The following DGKG variants were observed in gnomAD, a reference collection of about 807,000 sequenced individuals.
DGKG encodes diacylglycerol kinase gamma.
DGKG carries 78 observed loss-of-function variants against 105.3 expected under a neutral mutation model. The observed-to-expected ratio is 0.74, with a 90% CI of 0.62 to 0.89. The LOEUF (loss-of-function observed/expected upper bound fraction) is 0.89. Ranked by LOEUF, DGKG falls within the 40% of genes least tolerant of loss-of-function variation. DGKG has a pLI of 0.00. For missense variants in DGKG, 958 were observed against 1,020.1 expected (o/e 0.94, Z 0.83); for synonymous variants, 346 against 367.1 (o/e 0.94, Z 0.66).
intron 20 of DGKG, among the ~76,000 whole-genome samples, chr3:186,217,522 CT>C (rs1389902371): frequency 2.0e-5 from 3 of 152,206 alleles, no homozygotes; most frequent in Non-Finnish European, 4.4e-5. Context: ...TAATTGCCCC[CT>C]GGCTTATAAG....
In DGKG at chr3:186,273,367, C is replaced by CCTTT. The variant is rs1553811123; in HGVS notation, c.911-1025_911-1024insAAAG. On this transcript the variant is annotated intron_variant, in intron 10 of 24. Coordinates refer to ENST00000265022, the MANE Select transcript of DGKG (RefSeq NM_001346.3). The stretch of plus-strand genomic sequence containing the variant: ...TGGCGCTGGGGAGACTGTTGTACCC[C>CCTTT]TTTTTTTTTTTTTTTTTTTTTTTTT... Among the ~76,000 whole-genome samples the CCTTT allele has an allele frequency of 4.6e-4, 39 of 85,612 alleles. 7 individuals carry two copies. The highest frequency in any genetic ancestry group is 6.4e-3 in the Middle Eastern group (1 of 156). 56.2% of individuals were successfully genotyped at this position (85,612 alleles called of 152,430 possible).
At chr3:186,235,480 A>G (rs977574517) in intron 20 of DGKG, among the ~76,000 whole-genome samples, 4 of 152,306 alleles carry the variant, frequency 2.6e-5, no homozygotes, top group Admixed American at 1.3e-4. Context: ...TAACTTTGCT[A>G]TATTTGCTGC....
At chr3:186,298,359 T>G (rs1723700273) in intron 3 of DGKG, 130 bp from the exon 4 acceptor site, 1 of 827,630 alleles carries the variant, frequency 1.2e-6, no homozygotes, top group South Asian at 1.9e-5. Context: ...ATGGAGGAGC[T>G]GATGGGGACA....
At chr3:186,320,153 T>G (rs548902552) in intron 2 of DGKG, among the ~76,000 whole-genome samples, 117 of 152,332 alleles carry the variant, frequency 7.7e-4, no homozygotes, top group African/African-American at 2.8e-3. Context: ...ATTTTTAACC[T>G]ACTCTTTTTT....
intron 24 of DGKG, 109 bp from the exon 25 acceptor site, chr3:186,150,297 A>C (rs769138561): frequency 6.5e-5 from 89 of 1,369,468 alleles, no homozygotes; most frequent in Admixed American, 1.3e-4. Context: ...AAGGAGCCCC[A>C]TGCAGAAGGA....
At position 186,149,845 on chromosome 3, in the gene DGKG, G is replaced by T; in HGVS notation, c.*245C>A. On this transcript the variant is annotated 3_prime_UTR_variant, in exon 25 of 25. Transcript: ENST00000265022. The stretch of plus-strand genomic sequence containing the variant: ...CTGCCTAAGCCAGCCACAACCTCAT[G>T]GGCCCTAAGTCCATTCAAAATGTTT... 1 of 1,212,766 alleles carries T rather than the reference G, an allele frequency of 8.2e-7. No homozygotes were observed. Among genetic ancestry groups the T allele is most frequent in the Non-Finnish European group, 1.0e-6 (1 of 972,614 alleles). 75.1% of individuals were successfully genotyped at this position (1,212,766 alleles called of 1,614,324 possible).
intron 22 of DGKG, among the ~76,000 whole-genome samples, chr3:186,186,284 T>C (rs947973115): frequency 1.3e-5 from 2 of 152,116 alleles, no homozygotes; most frequent in African/African-American, 2.4e-5. Context: ...TTTGTTTTCT[T>C]CTAGTGGTGG....
chr3:186,208,586 T>C (rs888905781), intron 21 of DGKG, among the ~76,000 whole-genome samples: 4 of 152,238 alleles, frequency 2.6e-5, no homozygotes, highest in Non-Finnish European at 5.9e-5. Context: ...GCCTGTTCTG[T>C]GCATCAAAAT....
chr3:186,265,877 G>A (rs1220090149), intron 13 of DGKG, among the ~76,000 whole-genome samples: 1 of 151,770 alleles, frequency 6.6e-6, no homozygotes. Flanking sequence ...TCACCATGTT[G>A]GCCAGGATGG....
At chr3:186,350,114 TCCTGA>T (rs1465454230) in intron 1 of DGKG, among the ~76,000 whole-genome samples, 1 of 152,146 alleles carries the variant, frequency 6.6e-6, no homozygotes, top group Non-Finnish European at 1.5e-5. Flanking sequence ...GGTCTCGAAC[TCCTGA>T]CCTCTGGTGA....
intron 20 of DGKG, among the ~76,000 whole-genome samples, chr3:186,230,244 C>T (rs754889994): frequency 6.6e-5 from 10 of 152,060 alleles, no homozygotes; most frequent in East Asian, 3.9e-4. Context: ...GGCAACAGAG[C>T]GAGACTCCGT....
intron 24 of DGKG, chr3:186,158,045 T>A: frequency 3.1e-6 from 1 of 317,696 alleles, no homozygotes; most frequent in Non-Finnish European, 4.5e-6. Context: ...GTTATATTTA[T>A]ATTTTTATAT....
At chr3:186,181,065 A>G (rs1403672346) in intron 22 of DGKG, among the ~76,000 whole-genome samples, 1 of 152,228 alleles carries the variant, frequency 6.6e-6, no homozygotes, top group Non-Finnish European at 1.5e-5. Context: ...GGGCATGCCT[A>G]TGAGCTACAC....
intron 23 of DGKG, among the ~76,000 whole-genome samples, chr3:186,163,801 T>C (rs1560076769): frequency 6.6e-6 from 1 of 152,136 alleles, no homozygotes; most frequent in Non-Finnish European, 1.5e-5. Context: ...TCATAAGTTA[T>C]GGCTTAGATG....
chr3:186,223,222 C>G (rs1487955081), intron 20 of DGKG, among the ~76,000 whole-genome samples: 6 of 151,422 alleles, frequency 4.0e-5, no homozygotes, highest in African/African-American at 1.5e-4. Flanking sequence ...CTCCTCTACC[C>G]TACATCCCCG....
chr3:186,167,933 T>C (rs542884123), intron 22 of DGKG, among the ~76,000 whole-genome samples: 1 of 152,294 alleles, frequency 6.6e-6, no homozygotes, highest in South Asian at 2.1e-4. Flanking sequence ...AATGCTGCAA[T>C]TGAACTGCAG....
intron 5 of DGKG, among the ~76,000 whole-genome samples, chr3:186,294,659 A>G (rs908304213): frequency 1.3e-5 from 2 of 152,136 alleles, no homozygotes; most frequent in African/African-American, 4.8e-5. Context: ...CCTCCCTAGT[A>G]TGAGAATGAT....
rs1578874379 is a variant in DGKG at position 186,354,282 on chromosome 3, C to T, written c.-249+7664G>A. ...CCCAGAGCAGAGGGGTGGAGAAATGCAGCAGGAAATGGAAACATTTAGGCC... is the reference window on the plus strand; with the variant it reads ...CCCAGAGCAGAGGGGTGGAGAAATGTAGCAGGAAATGGAAACATTTAGGCC... On this transcript the variant is annotated intron_variant, in intron 1 of 24. Coordinates refer to ENST00000265022, the MANE Select transcript of DGKG (RefSeq NM_001346.3). Among the ~76,000 whole-genome samples the T allele has an allele frequency of 2.6e-5, 4 of 152,292 alleles. No homozygotes were observed. The East Asian group carries it at 5.8e-4, about 22-fold the overall frequency.
chr3:186,185,925 C>A (rs1029690037), intron 22 of DGKG, among the ~76,000 whole-genome samples: 1 of 151,706 alleles, frequency 6.6e-6, no homozygotes, highest in African/African-American at 2.4e-5. Context: ...GGAGAAACCC[C>A]ATCTCTATTA....
Sources: allele counts gnomAD v4.1 joint callset (sites outside exome capture counted in the v4.1 genomes callset), GRCh38; gene constraint gnomAD v4.1.1; transcripts MANE v1.5; gene names NCBI Gene and HGNC (gene_info 2026-07-23, HGNC 2026-07-21).